The following NRG3 variants were observed in gnomAD, a reference collection of about 807,000 sequenced individuals.
NRG3 encodes neuregulin 3, also known as pro-neuregulin-3, membrane-bound isoform.
In NRG3, 31 loss-of-function variants were observed where a neutral mutation model predicts 66.9. The ratio of observed to expected loss-of-function variants is 0.46; its 90% CI spans 0.35 to 0.63. The LOEUF is 0.63. NRG3 is among the 20% of genes least tolerant of loss of function. NRG3 has a pLI of 0.00. For synonymous variants in NRG3, 393 were observed against 359.4 expected (o/e 1.09, Z -1.06); for missense variants, 910 against 878.9 (o/e 1.04, Z -0.45).
At chr10:82,175,108 C>A (rs1291260025) in intron 1 of NRG3, among the ~76,000 whole-genome samples, 2 of 152,092 alleles carry the variant, frequency 1.3e-5, no homozygotes, top group Non-Finnish European at 2.9e-5. Context: ...GACATTAAGA[C>A]CTACCCTTAT....
chr10:82,551,470 C>G (rs1003583845), intron 2 of NRG3, among the ~76,000 whole-genome samples: 29 of 151,878 alleles, frequency 1.9e-4, no homozygotes, highest in African/African-American at 7.0e-4. Context: ...GATTAAGTTA[C>G]CCTACTAGTA....
chr10:82,943,162 T>C (rs556651674), intron 4 of NRG3, among the ~76,000 whole-genome samples: 1 of 152,340 alleles, frequency 6.6e-6, no homozygotes, highest in East Asian at 1.9e-4. Flanking sequence ...AACTGGCGTT[T>C]TGTGCATCAT....
At chr10:82,065,213 G>T (rs368315628) in intron 1 of NRG3, among the ~76,000 whole-genome samples, 5 of 152,072 alleles carry the variant, frequency 3.3e-5, no homozygotes, top group African/African-American at 1.2e-4. Flanking sequence ...GAGTGATAAT[G>T]AAAAATCCAT....
At chr10:82,559,970 A>G (rs1357820562) in intron 2 of NRG3, among the ~76,000 whole-genome samples, 1 of 152,050 alleles carries the variant, frequency 6.6e-6, no homozygotes, top group Non-Finnish European at 1.5e-5. Flanking sequence ...TTTAATATAT[A>G]TATATAGTAA....
intron 2 of NRG3, among the ~76,000 whole-genome samples, chr10:82,378,102 G>A (rs945816276): frequency 3.3e-5 from 5 of 152,164 alleles, no homozygotes; most frequent in Non-Finnish European, 5.9e-5. Context: ...GGATTGTTTC[G>A]TTTGTTTTTT....
At chr10:82,311,242 A>T (rs2081010500) in intron 1 of NRG3, among the ~76,000 whole-genome samples, 1 of 152,178 alleles carries the variant, frequency 6.6e-6, no homozygotes, top group South Asian at 2.1e-4. Context: ...CAGGAGGTGA[A>T]TTTATAATGG....
chr10:82,852,593 G>A (rs901385688), intron 3 of NRG3, among the ~76,000 whole-genome samples: 1 of 152,118 alleles, frequency 6.6e-6, no homozygotes, highest in Non-Finnish European at 1.5e-5. Context: ...GGATGAGGGA[G>A]GAGGATGTCA....
intron 1 of NRG3, among the ~76,000 whole-genome samples, chr10:82,164,327 C>T (rs1189672984): frequency 6.6e-6 from 1 of 152,122 alleles, no homozygotes; most frequent in African/African-American, 2.4e-5. Flanking sequence ...GGATATTCAT[C>T]ACCTGGAGTA....
chr10:82,319,073 T>C (rs1403899534), intron 1 of NRG3, among the ~76,000 whole-genome samples: 1 of 152,214 alleles, frequency 6.6e-6, no homozygotes, highest in Non-Finnish European at 1.5e-5. Flanking sequence ...AATATTGTTA[T>C]AGGAAACATA....
chr10:82,647,176 C>G (rs1309669372), intron 2 of NRG3, among the ~76,000 whole-genome samples: 1 of 151,910 alleles, frequency 6.6e-6, no homozygotes, highest in African/African-American at 2.4e-5. Context: ...CACAACAGTC[C>G]CCAGAGTGTG....
chr10:82,011,919 G>A (rs1045200305), intron 1 of NRG3, among the ~76,000 whole-genome samples: 1 of 152,170 alleles, frequency 6.6e-6, no homozygotes, highest in Non-Finnish European at 1.5e-5. Context: ...CAGATGCACA[G>A]TGCAAGCTGT....
chr10:82,948,078 G>T (rs1294800064), intron 4 of NRG3, among the ~76,000 whole-genome samples: 2 of 151,872 alleles, frequency 1.3e-5, no homozygotes, highest in East Asian at 1.9e-4. Context: ...TCCTTTTTGA[G>T]TGTATATATG....
intron 1 of NRG3, among the ~76,000 whole-genome samples, chr10:82,060,203 C>T (rs1291490219): frequency 6.6e-6 from 1 of 152,166 alleles, no homozygotes; most frequent in Non-Finnish European, 1.5e-5. Context: ...TCTGTATCTC[C>T]TTATATGAAG....
chr10:82,478,101 T>C (rs1345943560), intron 2 of NRG3, among the ~76,000 whole-genome samples: 2 of 152,172 alleles, frequency 1.3e-5, no homozygotes, highest in Non-Finnish European at 2.9e-5. Context: ...CGAATCCCTT[T>C]ACTACCATGG....
At chr10:82,489,578 C>G (rs1455394858) in intron 2 of NRG3, among the ~76,000 whole-genome samples, 1 of 152,086 alleles carries the variant, frequency 6.6e-6, no homozygotes, top group East Asian at 1.9e-4. Flanking sequence ...GGTATTGTCA[C>G]AAACAGGGGG....
At chr10:81,955,651 G>T (rs1288817500) in intron 1 of NRG3, among the ~76,000 whole-genome samples, 2 of 152,188 alleles carry the variant, frequency 1.3e-5, no homozygotes, top group Admixed American at 1.3e-4. Flanking sequence ...AGGCTGGAAA[G>T]TGAAAATCAC....
chr10:82,502,946 G>A (rs111249351), intron 2 of NRG3, among the ~76,000 whole-genome samples: 219 of 152,200 alleles, frequency 1.4e-3, no homozygotes, highest in African/African-American at 5.1e-3. Flanking sequence ...TTCTGGATTT[G>A]CATTCTTTTG....
At chr10:82,322,537 C>CTT (rs552093870) in intron 1 of NRG3, among the ~76,000 whole-genome samples, 5 of 147,008 alleles carry the variant, frequency 3.4e-5, no homozygotes, top group African/African-American at 9.9e-5. Context: ...TCCATATTAG[C>CTT]TTTTTTTTTT....
chr10:82,067,955 A>G (rs1375051047), intron 1 of NRG3, among the ~76,000 whole-genome samples: 2 of 152,210 alleles, frequency 1.3e-5, no homozygotes, highest in Non-Finnish European at 2.9e-5. Context: ...TTATGTCAGT[A>G]TTCATCACAG....
Sources: allele counts gnomAD v4.1 joint callset (sites outside exome capture counted in the v4.1 genomes callset), GRCh38; gene constraint gnomAD v4.1.1; transcripts MANE v1.5; gene names NCBI Gene and HGNC (gene_info 2026-07-23, HGNC 2026-07-21).